Variants in FRRS1L observed in about 807,000 individuals in gnomAD.
FRRS1L encodes the protein DOMON domain-containing protein FRRS1L.
A neutral mutation model predicts 28.6 loss-of-function variants in FRRS1L; 22 were observed. The ratio of observed to expected loss-of-function variants is 0.77; its 90% confidence interval spans 0.55 to 1.10. FRRS1L has a LOEUF of 1.10. Ranked by LOEUF, FRRS1L falls within the 50% of genes least tolerant of loss-of-function variation. The pLI, the probability that FRRS1L is intolerant of heterozygous loss-of-function variation, is 0.00. For missense variants in FRRS1L, 380 were observed against 386.9 expected (o/e 0.98, Z 0.15); for synonymous variants, 158 against 151.4 (o/e 1.04, Z -0.32).
At chr9:109,164,714 T>C (rs1054816153) in intron 1 of FRRS1L, among the ~76,000 whole-genome samples, 5 of 152,112 alleles carry the variant, frequency 3.3e-5, no homozygotes, top group African/African-American at 1.2e-4. Flanking sequence ...GACTTTTGAG[T>C]GCAATGCCAA....
rs1212481921 is a variant in FRRS1L at position 109,141,363 on chromosome 9, GCAAA to G, written c.685_688del (p.Phe229LeufsTer15). On this transcript the variant is annotated frameshift_variant, in exon 4 of 5. Coordinates refer to ENST00000561981, the MANE Select transcript of FRRS1L (RefSeq NM_014334.4). LOFTEE classifies it high-confidence loss of function. Reference sequence around the variant, plus strand: ...CTTACCCTGAATGGCTGGACCCCAAGCAAACAGATAATACCAACTCAAATGCAGA... The same window carrying G: ...CTTACCCTGAATGGCTGGACCCCAAGCAGATAATACCAACTCAAATGCAGA... 6.2e-7 allele frequency: 1 copy of G among 1,614,010 alleles called. No homozygotes were observed. The highest frequency in any genetic ancestry group is 1.3e-5 in the African/African-American group (1 of 74,900).
intron 1 of FRRS1L, among the ~76,000 whole-genome samples, chr9:109,165,768 C>T (rs968278546): frequency 6.6e-6 from 1 of 152,096 alleles, no homozygotes; most frequent in African/African-American, 2.4e-5. Context: ...CCGAGTAATC[C>T]CTTTATAAAG....
chr9:109,164,040 C>T (rs1263686235), intron 1 of FRRS1L, among the ~76,000 whole-genome samples: 1 of 152,214 alleles, frequency 6.6e-6, no homozygotes, highest in African/African-American at 2.4e-5. Flanking sequence ...CTTCTTCCCT[C>T]TCTCTGGCAA....
chr9:109,148,729 A>G (rs527667844), intron 2 of FRRS1L, among the ~76,000 whole-genome samples: 1 of 152,266 alleles, frequency 6.6e-6, no homozygotes, highest in African/African-American at 2.4e-5. Flanking sequence ...AGTTAAAAAA[A>G]GGAGTAAATG....
chr9:109,167,086 A>C lies in FRRS1L; in HGVS notation c.53T>G (p.Leu18Arg), dbSNP rs1477068520. 7.6e-6 allele frequency: 9 copies of C among 1,180,502 alleles called. No individual in the cohort carries two copies. In the Admixed American group the frequency reaches 3.5e-4, roughly 45 times the overall value. The allele number at this position is 1,180,502 out of a possible 1,614,324, so 73.1% of individuals were successfully genotyped here. A position where few individuals can be genotyped will look rare whatever the true frequency, so the allele number is the denominator to read the frequency against. The stretch of plus-strand genomic sequence containing the variant: ...GCAGGCGGCGGGCCCCGTCAGTAGC[A>C]GCAGGAGCAGCGACGCCCAGACCCC... ...HPGVWASLLL[L>R]LLTGPAACAA... Residue 18 changes from leucine (L) to arginine (R), a missense_variant, in exon 1 of 5, where the codon CTG becomes CGG. By Grantham distance (102) the Leu-to-Arg change is moderately radical. Transcript: ENST00000561981.
chr9:109,155,703 C>CAAA (rs539557102), intron 1 of FRRS1L, among the ~76,000 whole-genome samples: 12,452 of 80,880 alleles, frequency 0.15, 965 homozygotes, highest in East Asian at 0.28. Flanking sequence ...GACTCCATCT[C>CAAA]AAAAAAAAAA....
Position 109,131,497 on chromosome 9 carries a change from C to A in FRRS1L, c.*5958G>T, listed in dbSNP as rs917906358. The A allele has an allele frequency of 6.6e-6, 1 of 152,152 alleles. No homozygotes were observed. Among genetic ancestry groups the A allele is most frequent in the African/African-American group, 2.4e-5 (1 of 41,440 alleles). The allele number at this position is 152,152 out of a possible 1,614,324, so 9.4% of individuals were successfully genotyped here. ...AATGCTCATGGTGTGTATATTCAGG[C>A]CTTTGTGTATAAACACACACCATCA... On this transcript the variant is annotated 3_prime_UTR_variant, in exon 5 of 5. Coordinates refer to ENST00000561981, the MANE Select transcript of FRRS1L (RefSeq NM_014334.4).
At chr9:109,144,042 C>T (rs1831222607) in intron 3 of FRRS1L, among the ~76,000 whole-genome samples, 1 of 152,132 alleles carries the variant, frequency 6.6e-6, no homozygotes, top group African/African-American at 2.4e-5. Flanking sequence ...CTCCCCTAAT[C>T]TTAACAGCCC....
chr9:109,163,352 G>C (rs1412759292), intron 1 of FRRS1L, among the ~76,000 whole-genome samples: 5 of 152,190 alleles, frequency 3.3e-5, no homozygotes, highest in African/African-American at 1.2e-4. Flanking sequence ...TGCTGTGGAA[G>C]AATATCTTCT....
At chr9:109,143,411 G>T (rs1183313851) in intron 3 of FRRS1L, among the ~76,000 whole-genome samples, 2 of 152,192 alleles carry the variant, frequency 1.3e-5, no homozygotes, top group South Asian at 4.1e-4. Context: ...TCCCCAGGGG[G>T]TATATGGGAA....
At chr9:109,144,023 T>C (rs1425101454) in intron 3 of FRRS1L, among the ~76,000 whole-genome samples, 2 of 152,134 alleles carry the variant, frequency 1.3e-5, no homozygotes, top group Non-Finnish European at 2.9e-5. Context: ...TGCTCCTCAC[T>C]CTGCCTCACT....
At position 109,134,616 on chromosome 9, in the gene FRRS1L, T is replaced by A. The variant is rs529751579; in HGVS notation, c.*2839A>T. 6.6e-6 allele frequency: 1 copy of A among 152,336 alleles called. No individual in the cohort carries two copies. Among genetic ancestry groups the A allele is most frequent in the South Asian group, 2.1e-4 (1 of 4,828 alleles). The allele number at this position is 152,336 out of a possible 1,614,324, so 9.4% of individuals were successfully genotyped here. ...GGCTTGCATTTTACCTTAATGGCAC[T>A]GAGAAGTCATTGAAAGTTCTAAGCA... On this transcript the variant is annotated 3_prime_UTR_variant, in exon 5 of 5. Transcript: ENST00000561981.
intron 1 of FRRS1L, among the ~76,000 whole-genome samples, chr9:109,164,559 C>T (rs1456211564): frequency 3.3e-5 from 5 of 151,936 alleles, no homozygotes; most frequent in Admixed American, 2.0e-4. Flanking sequence ...CCACCACGCC[C>T]GGCTAATTTT....
chr9:109,135,456 A>G lies in FRRS1L; in HGVS notation c.*1999T>C, dbSNP rs977070162. 3.3e-5 allele frequency: 5 copies of G among 152,204 alleles called. No homozygotes were observed. The highest frequency in any genetic ancestry group is 1.2e-4 in the African/African-American group (5 of 41,554). The allele number at this position is 152,204 out of a possible 1,614,324, so 9.4% of individuals were successfully genotyped here. On this transcript the variant is annotated 3_prime_UTR_variant, in exon 5 of 5. Transcript: ENST00000561981. Reference sequence around the variant, plus strand: ...TTTATAAGTCTGAACATTTTATTTTACTTATTTTTTTGAGACAGGGTCTCC... The same window carrying G: ...TTTATAAGTCTGAACATTTTATTTTGCTTATTTTTTTGAGACAGGGTCTCC...
At chr9:109,157,620 C>G (rs1831428231) in intron 1 of FRRS1L, among the ~76,000 whole-genome samples, 1 of 152,164 alleles carries the variant, frequency 6.6e-6, no homozygotes, top group Non-Finnish European at 1.5e-5. Context: ...TCAAAGCTAT[C>G]CTCCTGCCTT....
chr9:109,138,537 TG>T (rs1327395376), intron 4 of FRRS1L: 1 of 152,192 alleles, frequency 6.6e-6, no homozygotes, highest in East Asian at 1.9e-4. Context: ...CCCTGCTTAG[TG>T]TCCGTGCTGG....
rs1831070052 is a variant in FRRS1L, at chr9:109,132,575, A to C, written c.*4880T>G. ...GATATTCTTACAACTAACCAGTAAT[A>C]ATATGTTACTGGCAGTATCCTTTAC... On this transcript the variant is annotated 3_prime_UTR_variant, in exon 5 of 5. Transcript: ENST00000561981. 6.6e-6 allele frequency: 1 copy of C among 152,218 alleles called. No homozygotes were observed. The highest frequency in any genetic ancestry group is 6.5e-5 in the Admixed American group (1 of 15,282). 9.4% of individuals were successfully genotyped at this position (152,218 alleles called of 1,614,324 possible).
Position 109,132,119 on chromosome 9 carries a change from T to C in FRRS1L, c.*5336A>G, listed in dbSNP as rs563641589. The C allele has an allele frequency of 6.6e-6, 1 of 152,074 alleles. No individual in the cohort carries two copies. Among genetic ancestry groups the C allele is most frequent in the Admixed American group, 6.5e-5 (1 of 15,272 alleles). 9.4% of individuals were successfully genotyped at this position (152,074 alleles called of 1,614,324 possible). On this transcript the variant is annotated 3_prime_UTR_variant, in exon 5 of 5. Transcript: ENST00000561981. Reference sequence around the variant, plus strand: ...CTCCTGAGTAGCTGGGACTACAGGCTCCCGCCACCACGCCCAGCTAATTTT... The same window carrying C: ...CTCCTGAGTAGCTGGGACTACAGGCCCCCGCCACCACGCCCAGCTAATTTT...
At chr9:109,152,798 C>A (rs1388493786) in intron 1 of FRRS1L, among the ~76,000 whole-genome samples, 9 of 58,160 alleles carry the variant, frequency 1.5e-4, no homozygotes, top group African/African-American at 7.4e-4. Context: ...AGAGAGACTC[C>A]ATCTCAAAAA....
Sources: allele counts gnomAD v4.1 joint callset (sites outside exome capture counted in the v4.1 genomes callset), GRCh38; gene constraint gnomAD v4.1.1; transcripts MANE v1.5; gene names NCBI Gene and HGNC (gene_info 2026-07-23, HGNC 2026-07-21).